Variants in SLCO3A1 observed in about 807,000 individuals in gnomAD.
SLCO3A1 encodes the protein PGE1 transporter.
Under a neutral mutation model 63.1 loss-of-function variants are expected in SLCO3A1, and 27 were observed. The observed-to-expected ratio is 0.43, with a 90% CI of 0.32 to 0.59. The LOEUF is 0.59. Among genes scored for constraint, SLCO3A1 ranks in the 20% least tolerant of loss-of-function variants. The pLI is 0.09. For missense variants in SLCO3A1, 773 were observed against 945.8 expected, an observed-to-expected ratio of 0.82 and a Z score of 2.40; for synonymous variants, 473 against 409.9, an observed-to-expected ratio of 1.15 and a Z score of -1.86.
rs879443621 is a variant in SLCO3A1 at position 91,950,914 on chromosome 15, A to G, written c.646+34456A>G. Among the ~76,000 whole-genome samples, 14 of 152,192 alleles carry G rather than the reference A, an allele frequency of 9.2e-5. No individual in the cohort carries two copies. Among genetic ancestry groups the G allele is most frequent in the South Asian group, 4.1e-4 (2 of 4,826 alleles). ...ATATCCAATCTGAGAAAGAAAGAAA[A>G]AAAAAAAAGTATTTCTCTGGCTTTC... On this transcript the variant is annotated intron_variant, in intron 2 of 9. Coordinates refer to ENST00000318445, the MANE Select transcript of SLCO3A1 (RefSeq NM_013272.4). The surrounding 1 kb of genome is among the most constrained non-coding windows in gnomAD (Gnocchi z 4.4).
At chr15:92,101,739 A>G (rs2047607392) in intron 3 of SLCO3A1, among the ~76,000 whole-genome samples, 1 of 152,218 alleles carries the variant, frequency 6.6e-6, no homozygotes, top group Non-Finnish European at 1.5e-5. Context: ...CAAAATAGTC[A>G]GTGATGAGTG....
At chr15:92,020,310 C>T (rs893565387) in intron 2 of SLCO3A1, among the ~76,000 whole-genome samples, 23 of 152,144 alleles carry the variant, frequency 1.5e-4, no homozygotes, top group African/African-American at 2.9e-4. Flanking sequence ...TCCCCCATAG[C>T]GCACATTTTT....
At chr15:91,999,497 C>T (rs1343345827) in intron 2 of SLCO3A1, among the ~76,000 whole-genome samples, 6 of 152,096 alleles carry the variant, frequency 3.9e-5, no homozygotes, top group South Asian at 2.1e-4. Flanking sequence ...AAAAAACATG[C>T]GCAACCTCAC....
In SLCO3A1 at chr15:92,163,714, G is replaced by A; in HGVS notation, c.*579G>A. On this transcript the variant is annotated 3_prime_UTR_variant, in exon 10 of 10. Transcript: ENST00000318445. ...TCTGACTTTCGCAATATGGGTCACT[G>A]TGTAGACGACTCACCCAGTCTGCAT... 9 of 981,668 alleles carry A rather than the reference G, an allele frequency of 9.2e-6. No individual in the cohort carries two copies. Among genetic ancestry groups the A allele is most frequent in the Non-Finnish European group, 1.1e-5 (9 of 826,426 alleles). 60.8% of individuals were successfully genotyped at this position (981,668 alleles called of 1,614,324 possible).
intron 2 of SLCO3A1, among the ~76,000 whole-genome samples, chr15:92,027,965 C>T (rs1442349028): frequency 6.6e-6 from 1 of 152,216 alleles, no homozygotes; most frequent in Non-Finnish European, 1.5e-5. Context: ...AGAGCCTGCA[C>T]TGACTCCTCT....
intron 7 of SLCO3A1, among the ~76,000 whole-genome samples, chr15:92,140,812 T>G (rs914868233): frequency 1.3e-5 from 2 of 152,242 alleles, no homozygotes; most frequent in African/African-American, 4.8e-5. Flanking sequence ...CTCTGCCTTT[T>G]TTTGTTTTCC....
At chr15:91,884,306 C>G (rs1443976496) in intron 1 of SLCO3A1, among the ~76,000 whole-genome samples, 1 of 151,976 alleles carries the variant, frequency 6.6e-6, no homozygotes, top group Non-Finnish European at 1.5e-5. Flanking sequence ...ATTGGGAGTT[C>G]AAGACCAGAC....
intron 2 of SLCO3A1, among the ~76,000 whole-genome samples, chr15:92,079,682 C>T (rs35329561): frequency 0.1 from 15,355 of 152,298 alleles, 1,137 homozygotes; most frequent in East Asian, 0.4. Flanking sequence ...CAGTCCAGCC[C>T]GTAATAGGGG....
At chr15:92,043,405 C>A (rs1444099973) in intron 2 of SLCO3A1, among the ~76,000 whole-genome samples, 1 of 152,200 alleles carries the variant, frequency 6.6e-6, no homozygotes, top group East Asian at 1.9e-4. Flanking sequence ...CTTGCTCTGC[C>A]TGTATAACCA....
rs1197951484 is a variant in SLCO3A1 at position 91,973,476 on chromosome 15, AC to A, written c.646+57019del. Among the ~76,000 whole-genome samples the A allele has an allele frequency of 5.9e-5, 9 of 152,316 alleles. No individual in the cohort carries two copies. The East Asian group carries it at 1.7e-3, about 29-fold the overall frequency. ...GTGGCTGACTGGAAAAACAGATGCA[AC>A]AGCAGGAAGAAGGGGGGCTGAAGCT... On this transcript the variant is annotated intron_variant, in intron 2 of 9. Transcript: ENST00000318445.
At chr15:91,868,849 T>A (rs1230960335) in intron 1 of SLCO3A1, among the ~76,000 whole-genome samples, 4 of 152,258 alleles carry the variant, frequency 2.6e-5, no homozygotes, top group African/African-American at 9.6e-5. Flanking sequence ...TTTAGGAACC[T>A]ACTCTTTCCT....
At chr15:91,918,967 A>G (rs1597119924) in intron 2 of SLCO3A1, among the ~76,000 whole-genome samples, 1 of 152,182 alleles carries the variant, frequency 6.6e-6, no homozygotes, top group African/African-American at 2.4e-5. Flanking sequence ...GTGACACTAT[A>G]GTGGAGATTG....
At chr15:92,082,749 T>C (rs2047362040) in intron 2 of SLCO3A1, among the ~76,000 whole-genome samples, 1 of 152,162 alleles carries the variant, frequency 6.6e-6, no homozygotes, top group Non-Finnish European at 1.5e-5. Flanking sequence ...TTCCAGAAAT[T>C]GAGAAATGTA....
At chr15:92,106,072 T>C (rs1021558196) in intron 4 of SLCO3A1, among the ~76,000 whole-genome samples, 6 of 152,216 alleles carry the variant, frequency 3.9e-5, no homozygotes, top group East Asian at 1.9e-4. Flanking sequence ...CTGCCAGTGC[T>C]GTCTCAAGAA....
At position 91,968,861 on chromosome 15, in the gene SLCO3A1, C is replaced by G. The variant is rs1900755782; in HGVS notation, c.646+52403C>G. On this transcript the variant is annotated intron_variant, in intron 2 of 9. Coordinates refer to ENST00000318445, the MANE Select transcript of SLCO3A1 (RefSeq NM_013272.4). The surrounding 1 kb of genome is among the most constrained non-coding windows in gnomAD (Gnocchi z 4.2). ...TTTTGCTTGGCACATTCTGGTTCCT[C>G]TGCATGGAGTCTCCTTTCTCTTTCC... Among the ~76,000 whole-genome samples, 1 of 152,274 alleles carries G rather than the reference C, an allele frequency of 6.6e-6. No homozygotes were observed. The highest frequency in any genetic ancestry group is 2.1e-4 in the South Asian group (1 of 4,830).
chr15:91,870,449 A>G (rs1897258010), intron 1 of SLCO3A1, among the ~76,000 whole-genome samples: 1 of 152,220 alleles, frequency 6.6e-6, no homozygotes. Context: ...TAGATATATG[A>G]GGAATCTTTT....
At chr15:92,102,583 C>G (rs1034826654) in intron 3 of SLCO3A1, among the ~76,000 whole-genome samples, 1 of 152,110 alleles carries the variant, frequency 6.6e-6, no homozygotes, top group Non-Finnish European at 1.5e-5. Context: ...GGATTCGGCC[C>G]CCAAGTACTC....
At chr15:92,000,359 C>T (rs563257919) in intron 2 of SLCO3A1, among the ~76,000 whole-genome samples, 97 of 148,550 alleles carry the variant, frequency 6.5e-4, no homozygotes, top group African/African-American at 2.2e-3. Context: ...TGAGCTGGAG[C>T]GAAAAGGAGG....
chr15:91,918,425 C>G (rs940354340), intron 2 of SLCO3A1, among the ~76,000 whole-genome samples: 3 of 152,240 alleles, frequency 2.0e-5, no homozygotes, highest in Middle Eastern at 3.4e-3. Flanking sequence ...TTACATATGG[C>G]CAGATTCCAA....
Sources: allele counts gnomAD v4.1 joint callset (sites outside exome capture counted in the v4.1 genomes callset), GRCh38; gene constraint gnomAD v4.1.1; non-coding constraint Gnocchi (gnomAD v3.1); transcripts MANE v1.5; gene names NCBI Gene and HGNC (gene_info 2026-07-23, HGNC 2026-07-21).